ARL14EPL: variants seen among roughly 807,000 people sequenced by gnomAD.
ARL14EPL encodes the protein ARF like GTPase 14 effector protein like.
ARL14EPL carries 17 observed loss-of-function variants against 15.9 expected under a neutral mutation model. The ratio of observed to expected loss-of-function variants is 1.07; its 90% CI spans 0.73 to 1.60. The LOEUF (loss-of-function observed/expected upper bound fraction) is 1.60. ARL14EPL is among the 40% of genes most tolerant of loss of function. The pLI, the probability that ARL14EPL is intolerant of heterozygous loss-of-function variation, is 0.00. For missense variants in ARL14EPL, 214 were observed against 185.9 expected (o/e 1.15, Z -0.88); for synonymous variants, 78 against 63.8 (o/e 1.22, Z -1.06).
chr5:116,041,234 A>G (rs1178621318), intron 1 of ARL14EPL, among the ~76,000 whole-genome samples: 2 of 152,080 alleles, frequency 1.3e-5, no homozygotes, highest in African/African-American at 4.8e-5. Context: ...ATTCTATTCT[A>G]TGGCTTTTGG....
At chr5:116,037,752 T>C (rs1247504575) in intron 1 of ARL14EPL, among the ~76,000 whole-genome samples, 1 of 152,196 alleles carries the variant, frequency 6.6e-6, no homozygotes, top group Admixed American at 6.5e-5. Context: ...AATGGGTAAA[T>C]ATAGGAAATG....
At chr5:116,054,588 T>C (rs1489443865) in intron 3 of ARL14EPL, among the ~76,000 whole-genome samples, 1 of 152,142 alleles carries the variant, frequency 6.6e-6, no homozygotes, top group African/African-American at 2.4e-5. Context: ...TTCCAACACT[T>C]TGGGAGGCCA....
rs922154532 is a variant in ARL14EPL at position 116,058,654 on chromosome 5, T to C, written c.237-71T>C. ...AAATGGTCATGTGTATGATGTTGAT[T>C]GTACATTAATTTATTCTCAATGTTG... On this transcript the variant is annotated intron_variant, in intron 3 of 3. Transcript: ENST00000686077. The C allele has an allele frequency of 6.6e-5, 92 of 1,399,354 alleles. No homozygotes were observed. In the African/African-American group the frequency reaches 1.3e-3, roughly 19 times the overall value. 86.7% of individuals were successfully genotyped at this position (1,399,354 alleles called of 1,614,324 possible).
At chr5:116,046,031 G>A (rs534857714) in intron 1 of ARL14EPL, among the ~76,000 whole-genome samples, 82 of 152,220 alleles carry the variant, frequency 5.4e-4, no homozygotes, top group Non-Finnish European at 9.0e-4. Flanking sequence ...CTGCACAGGC[G>A]TCCTTTCTCT....
chr5:116,043,497 A>G (rs748092143), intron 1 of ARL14EPL, among the ~76,000 whole-genome samples: 1 of 152,166 alleles, frequency 6.6e-6, no homozygotes, highest in Non-Finnish European at 1.5e-5. Context: ...ATTACCTTTG[A>G]AAAATACTCT....
intron 1 of ARL14EPL, among the ~76,000 whole-genome samples, chr5:116,049,524 T>C (rs944207187): frequency 2.6e-5 from 4 of 152,234 alleles, no homozygotes; most frequent in Non-Finnish European, 4.4e-5. Context: ...AGGAAGTACC[T>C]GTGCAGGTTT....
intron 1 of ARL14EPL, among the ~76,000 whole-genome samples, chr5:116,044,601 T>G (rs1311629914): frequency 6.6e-6 from 1 of 152,094 alleles, no homozygotes; most frequent in Admixed American, 6.6e-5. Context: ...GTTAAACTTT[T>G]GAAGTTGACA....
rs748492536 is a variant in ARL14EPL at position 116,054,083 on chromosome 5, C to T, written c.166C>T (p.Pro56Ser). 14 of 1,535,530 alleles carry T rather than the reference C, an allele frequency of 9.1e-6. No homozygotes were observed. The African/African-American group carries it at 9.6e-5, about 11-fold the overall frequency. Residue 56 changes from proline (P) to serine (S), a missense_variant, in exon 3 of 4, where the codon CCT becomes TCT. By Grantham distance (74) the Pro-to-Ser change is moderately conservative. Coordinates refer to ENST00000686077, the MANE Select transcript of ARL14EPL (RefSeq NM_001195581.2). Reference sequence around the variant, plus strand: ...TGGACCACAGGTAGCAGACTTTAATCCTGAAACAAGGCAGCAGAAAAAGAA... The same window carrying T: ...TGGACCACAGGTAGCAGACTTTAATTCTGAAACAAGGCAGCAGAAAAAGAA... ...NPGPQVADFN[P>S]ETRQQKKKAR...
At chr5:116,048,246 G>C (rs1441008946) in intron 1 of ARL14EPL, among the ~76,000 whole-genome samples, 2 of 152,040 alleles carry the variant, frequency 1.3e-5, no homozygotes, top group African/African-American at 4.8e-5. Context: ...CACACTTTTT[G>C]TATCCCCATC....
intron 1 of ARL14EPL, among the ~76,000 whole-genome samples, chr5:116,045,959 TG>T (rs781262578): frequency 2.0e-5 from 3 of 152,184 alleles, no homozygotes; most frequent in Non-Finnish European, 4.4e-5. Context: ...TATTGTCTTG[TG>T]GTTTTGAAAA....
chr5:116,051,556 C>T lies in ARL14EPL; in HGVS notation c.91C>T (p.Gln31Ter). The T allele has an allele frequency of 6.5e-7, 1 of 1,528,880 alleles. No individual in the cohort carries two copies. Among genetic ancestry groups the T allele is most frequent in the Non-Finnish European group, 8.8e-7 (1 of 1,140,352 alleles). The allele number at this position is 1,528,880 out of a possible 1,614,324, so 94.7% of individuals were successfully genotyped here. ...PEKNCQIGQKQLQQIERQLKC... is the reference protein window; with the variant it reads ...PEKNCQIGQK ...GAAGAACTGTCAAATTGGACAGAAA[C>T]AACTGGTATGGCACACAGATTCTAT... Residue 31 changes from glutamine to a stop codon, truncating the protein, a stop_gained, in exon 2 of 4, where the codon CAA (glutamine) becomes TAA (stop). Coordinates refer to ENST00000686077, the MANE Select transcript of ARL14EPL (RefSeq NM_001195581.2). LOFTEE classifies it high-confidence loss of function.
chr5:116,048,677 C>T (rs1749317169), intron 1 of ARL14EPL, among the ~76,000 whole-genome samples: 1 of 152,030 alleles, frequency 6.6e-6, no homozygotes, highest in African/African-American at 2.4e-5. Context: ...TCTACGGCAA[C>T]TCGAGTGGGA....
rs950297890 is a variant in ARL14EPL at position 116,054,040 on chromosome 5, C to T, written c.123C>T (p.Cys41=). ...AACAAATAGAGCGGCAGTTAAAATG[C>T]TTGGCATTTCGAAACCCTGGACCAC... ...QLQQIERQLK[C]LAFRNPGPQV... Residue 41 remains cysteine (C), a synonymous_variant, in exon 3 of 4, where the codon TGC becomes TGT. Coordinates refer to ENST00000686077, the MANE Select transcript of ARL14EPL (RefSeq NM_001195581.2). 6.5e-7 allele frequency: 1 copy of T among 1,535,170 alleles called. No homozygotes were observed. Among genetic ancestry groups the T allele is most frequent in the Non-Finnish European group, 8.7e-7 (1 of 1,146,478 alleles).
Position 116,051,510 on chromosome 5 carries a change from C to T in ARL14EPL, c.45C>T (p.His15=), listed in dbSNP as rs1275486992. 3 of 1,535,720 alleles carry T rather than the reference C, an allele frequency of 2.0e-6. No homozygotes were observed. The East Asian group carries it at 7.3e-5, about 38-fold the overall frequency. ...AAAACAATTCCATTCAAGAGAGACACACAGATCATAGTTTTCCTGAGAAGA... is the reference window on the plus strand; with the variant it reads ...AAAACAATTCCATTCAAGAGAGACATACAGATCATAGTTTTCCTGAGAAGA... ...SEKNNSIQER[H]TDHSFPEKNC... The change falls in exon 2 of 4, where the codon CAC becomes CAT. Residue 15 remains histidine, a synonymous_variant. Transcript: ENST00000686077.
At chr5:116,048,761 G>T (rs1373690843) in intron 1 of ARL14EPL, among the ~76,000 whole-genome samples, 1 of 152,110 alleles carries the variant, frequency 6.6e-6, no homozygotes, top group Non-Finnish European at 1.5e-5. Context: ...AGCCTATAAA[G>T]GTTAGAGATG....
At chr5:116,041,725 G>A (rs1287830619) in intron 1 of ARL14EPL, among the ~76,000 whole-genome samples, 4 of 152,148 alleles carry the variant, frequency 2.6e-5, no homozygotes, top group African/African-American at 7.2e-5. Flanking sequence ...GCTCACAGCA[G>A]CTCCATTCAC....
chr5:116,049,050 C>T (rs182914422), intron 1 of ARL14EPL, among the ~76,000 whole-genome samples: 3 of 152,228 alleles, frequency 2.0e-5, no homozygotes, highest in Non-Finnish European at 4.4e-5. Context: ...TTTGTTTGGA[C>T]GTAGCCCATG....
At position 116,052,956 on chromosome 5, in the gene ARL14EPL, CA is replaced by C. The variant is rs1262338211; in HGVS notation, c.97-1057del. Among the ~76,000 whole-genome samples the C allele has an allele frequency of 3.9e-5, 6 of 152,266 alleles. No individual in the cohort carries two copies. The East Asian group carries it at 1.2e-3, about 29-fold the overall frequency. ...TCCCTCATGACATGTGCTACATGTT[CA>C]CAATAAGTTATCAGTACAATATTCG... On this transcript the variant is annotated intron_variant, in intron 2 of 3. Transcript: ENST00000686077.
intron 1 of ARL14EPL, among the ~76,000 whole-genome samples, chr5:116,037,530 A>G (rs1349692468): frequency 6.8e-6 from 1 of 147,794 alleles, no homozygotes; most frequent in Non-Finnish European, 1.5e-5. Flanking sequence ...CTGGTCACTA[A>G]GATACATGCC....
Sources: allele counts gnomAD v4.1 joint callset (sites outside exome capture counted in the v4.1 genomes callset), GRCh38; gene constraint gnomAD v4.1.1; transcripts MANE v1.5; gene names NCBI Gene and HGNC (gene_info 2026-07-23, HGNC 2026-07-21).